NOP9: variants seen among roughly 807,000 people sequenced by gnomAD.
The protein encoded by NOP9 is NOP9 nucleolar protein.
In NOP9, 50 loss-of-function variants were observed where a neutral mutation model predicts 63.0. The ratio of observed to expected loss-of-function variants is 0.79; its 90% CI spans 0.63 to 1.00. The LOEUF (loss-of-function observed/expected upper bound fraction) is 1.00, where lower values mean the gene tolerates loss of function less well. NOP9 is among the 50% of genes least tolerant of loss of function. NOP9 has a pLI of 0.00. For synonymous variants in NOP9, 343 were observed against 332.8 expected, an observed-to-expected ratio of 1.03 and a Z score of -0.33; for missense variants, 758 against 803.0, an observed-to-expected ratio of 0.94 and a Z score of 0.68.
the NOP9 span, among the ~76,000 whole-genome samples, chr14:24,279,874 T>C: frequency 2.6e-5 from 4 of 152,240 alleles, no homozygotes; most frequent in East Asian, 7.7e-4. Context: ...TGACGTTCTA[T>C]GTCAAGTGAG....
chr14:24,297,006 G>T, upstream of NOP9: 2 of 1,333,156 alleles, frequency 1.5e-6, no homozygotes, highest in South Asian at 1.3e-5. Flanking sequence ...TGCTGCAGAG[G>T]CAACATGGCA....
chr14:24,281,941 C>T, the NOP9 span, among the ~76,000 whole-genome samples: 3 of 152,248 alleles, frequency 2.0e-5, no homozygotes, highest in Non-Finnish European at 2.9e-5. Context: ...GGCACAGTGG[C>T]TCACGCCTGT....
At chr14:24,299,199 G>A (rs1458794329), upstream of NOP9, 30 of 1,427,094 alleles carry the variant, frequency 2.1e-5, no homozygotes, top group South Asian at 3.8e-4. Flanking sequence ...AGGTTGGGGG[G>A]TAGGGGAGAA....
In NOP9 at chr14:24,305,907, A is replaced by T. The variant is rs374035938; in HGVS notation, c.*812A>T. The T allele has an allele frequency of 1.3e-6, 2 of 1,597,304 alleles. No individual in the cohort carries two copies. Among genetic ancestry groups the T allele is most frequent in the South Asian group, 1.1e-5 (1 of 88,360 alleles). On this transcript the variant is annotated 3_prime_UTR_variant, in exon 10 of 10. Coordinates refer to ENST00000267425, the MANE Select transcript of NOP9 (RefSeq NM_174913.3). The stretch of plus-strand genomic sequence containing the variant: ...GAGGACGAATTATGGGGACTATCCA[A>T]CTGTAGGGGATGGGGCAGTATGACA...
In NOP9 at chr14:24,305,574, G is replaced by T; in HGVS notation, c.*479G>T. On this transcript the variant is annotated 3_prime_UTR_variant, in exon 10 of 10. Coordinates refer to ENST00000267425, the MANE Select transcript of NOP9 (RefSeq NM_174913.3). The stretch of plus-strand genomic sequence containing the variant: ...TCTGCAGGTCCTGAAATTTGATGCT[G>T]TCATAGTCTTTGCAGTGGGTCGGTT... 1.3e-6 allele frequency: 2 copies of T among 1,572,594 alleles called. No individual in the cohort carries two copies. The highest frequency in any genetic ancestry group is 2.4e-5 in the South Asian group (2 of 83,546).
chr14:24,300,709 C>G lies in NOP9; in HGVS notation c.549C>G (p.Val183=). The change falls in exon 2 of 10, where the codon GTC becomes GTG. Residue 183 remains valine, a synonymous_variant. Coordinates refer to ENST00000267425, the MANE Select transcript of NOP9 (RefSeq NM_174913.3). ...DGPTETLEEL[V]LGLAAEVCDD... Reference sequence around the variant, plus strand: ...CCACGGAGACCCTGGAGGAGCTGGTCCTGGGACTAGCCGCTGAGGTGTGTG... The same window carrying G: ...CCACGGAGACCCTGGAGGAGCTGGTGCTGGGACTAGCCGCTGAGGTGTGTG... The G allele has an allele frequency of 6.2e-7, 1 of 1,613,520 alleles. No homozygotes were observed. The highest frequency in any genetic ancestry group is 8.5e-7 in the Non-Finnish European group (1 of 1,179,924).
intron 9 of NOP9, 72 bp downstream of exon 9, chr14:24,304,670 G>A (rs760441022): frequency 5.7e-5 from 69 of 1,217,288 alleles, no homozygotes; most frequent in Middle Eastern, 2.3e-4. Context: ...GGGTAGCTGG[G>A]AAGTCTACTG....
In NOP9 at chr14:24,306,074, A is replaced by G; in HGVS notation, c.*979A>G. ...TTTTGCTTGTACACGTCAAAGGTGA[A>G]TCGGGCGATGTCCTTGCTGTGCTTG... On this transcript the variant is annotated 3_prime_UTR_variant, in exon 10 of 10. Transcript: ENST00000267425. 1 of 1,614,186 alleles carries G rather than the reference A, an allele frequency of 6.2e-7. No homozygotes were observed. The highest frequency in any genetic ancestry group is 8.5e-7 in the Non-Finnish European group (1 of 1,180,032).
chr14:24,301,571 T>C (rs1385335289), intron 2 of NOP9, 41 bp from the exon 3 acceptor site: 1 of 1,607,926 alleles, frequency 6.2e-7, no homozygotes, highest in Non-Finnish European at 8.5e-7. Flanking sequence ...GGATGGCAGT[T>C]TGTGATCTCC....
upstream of NOP9, chr14:24,299,544 T>C: frequency 4.6e-6 from 1 of 218,116 alleles, no homozygotes; most frequent in South Asian, 1.2e-4. Flanking sequence ...AGCCTGGAGA[T>C]CCTAAGCCCT....
chr14:24,301,091 G>C (rs1170868656), intron 2 of NOP9, among the ~76,000 whole-genome samples: 1 of 152,142 alleles, frequency 6.6e-6, no homozygotes, highest in Non-Finnish European at 1.5e-5. Context: ...CGCAGGAGGA[G>C]AATTTTTTTT....
chr14:24,303,687 G>T, intron 6 of NOP9, 45 bp from the exon 7 acceptor site: 3 of 1,596,370 alleles, frequency 1.9e-6, no homozygotes, highest in South Asian at 1.1e-5. Context: ...TGAGGTAAGG[G>T]ACGGAGAAGT....
chr14:24,302,411 C>T lies in NOP9; in HGVS notation c.1130C>T (p.Thr377Ile), dbSNP rs749244350. Reference protein sequence around the residue: ...FPLQRLLDAVTTPELLSPVFE... With the variant: ...FPLQRLLDAVITPELLSPVFE... The stretch of plus-strand genomic sequence containing the variant: ...TTGCAGCGCTTACTGGATGCAGTCA[C>T]TACCCCTGAGCTGGTGAGTTGGAAA... The change falls in exon 5 of 10, where the codon ACT (threonine) becomes ATT (isoleucine). Residue 377 changes from threonine (T) to isoleucine (I), a missense_variant. Transcript: ENST00000267425. 4 of 1,611,216 alleles carry T rather than the reference C, an allele frequency of 2.5e-6. No homozygotes were observed. The highest frequency in any genetic ancestry group is 3.4e-6 in the Non-Finnish European group (4 of 1,177,988).
At chr14:24,292,802 G>C in the NOP9 span, 1 of 1,607,096 alleles carries the variant, frequency 6.2e-7, no homozygotes, top group Admixed American at 1.7e-5. Context: ...GTGGGGCAAG[G>C]GAAGAAGGAA....
chr14:24,287,187 G>C, the NOP9 span, among the ~76,000 whole-genome samples: 1 of 152,226 alleles, frequency 6.6e-6, no homozygotes, highest in African/African-American at 2.4e-5. Flanking sequence ...CATCGTGCCC[G>C]GTCCCCACTC....
intron 4 of NOP9, 53 bp from the exon 5 acceptor site, chr14:24,302,179 T>C (rs1033614016): frequency 6.3e-7 from 1 of 1,599,594 alleles, no homozygotes; most frequent in Admixed American, 1.7e-5. Flanking sequence ...GTAGTGCAAC[T>C]GTATTTTGCA....
At chr14:24,273,205 G>A in the NOP9 span, among the ~76,000 whole-genome samples, 1 of 150,584 alleles carries the variant, frequency 6.6e-6, no homozygotes, top group Non-Finnish European at 1.5e-5. Flanking sequence ...TTGAGACAGG[G>A]TCTCACTCTG....
chr14:24,291,166 G>A, the NOP9 span: 6 of 1,614,108 alleles, frequency 3.7e-6, no homozygotes, highest in South Asian at 1.1e-5. Context: ...CCATAGCGTC[G>A]AGCAAGGTCA....
upstream of NOP9, chr14:24,299,201 A>G (rs1179076820): frequency 7.1e-7 from 1 of 1,417,180 alleles, no homozygotes; most frequent in African/African-American, 1.4e-5. Context: ...GTTGGGGGGT[A>G]GGGGAGAACC....
Sources: allele counts gnomAD v4.1 joint callset (sites outside exome capture counted in the v4.1 genomes callset), GRCh38; gene constraint gnomAD v4.1.1; transcripts MANE v1.5; gene names NCBI Gene and HGNC (gene_info 2026-07-23, HGNC 2026-07-21).